XKR4: variants seen among roughly 807,000 people sequenced by gnomAD.
XKR4 encodes XK-related protein 4.
XKR4 carries 12 observed loss-of-function variants against 53.9 expected under a neutral mutation model. That is an observed-to-expected ratio of 0.22 (90% CI 0.14 to 0.36). The LOEUF (loss-of-function observed/expected upper bound fraction) is 0.36. Ranked by LOEUF, XKR4 falls within the 10% of genes least tolerant of loss-of-function variation. XKR4 has a pLI of 1.00. For missense variants in XKR4, 799 were observed against 859.5 expected (o/e 0.93, Z 0.88); for synonymous variants, 354 against 362.4 (o/e 0.98, Z 0.26).
chr8:55,502,620 T>C (rs1055734579), intron 2 of XKR4, among the ~76,000 whole-genome samples: 2 of 152,030 alleles, frequency 1.3e-5, no homozygotes, highest in East Asian at 3.9e-4. Flanking sequence ...TTTTTTTTAA[T>C]ATATCTTTAT....
intron 2 of XKR4, among the ~76,000 whole-genome samples, chr8:55,405,506 A>G (rs975148916): frequency 6.6e-6 from 1 of 152,188 alleles, no homozygotes; most frequent in Non-Finnish European, 1.5e-5. Context: ...CCAAGATTCT[A>G]TCAGTGCAGA....
chr8:55,251,113 A>G (rs1274192982), intron 1 of XKR4, among the ~76,000 whole-genome samples: 33 of 152,192 alleles, frequency 2.2e-4, no homozygotes, highest in African/African-American at 7.7e-4. Flanking sequence ...AGACGTAAGT[A>G]CAGTTACAGG....
At chr8:55,180,710 T>A (rs937081617) in intron 1 of XKR4, among the ~76,000 whole-genome samples, 2 of 152,120 alleles carry the variant, frequency 1.3e-5, no homozygotes, top group Non-Finnish European at 2.9e-5. Flanking sequence ...TTTTTGTATT[T>A]TTAGTAGAGA....
At chr8:55,234,106 T>C (rs947554791) in intron 1 of XKR4, among the ~76,000 whole-genome samples, 1 of 152,198 alleles carries the variant, frequency 6.6e-6, no homozygotes, top group African/African-American at 2.4e-5. Context: ...ATGTGATTCC[T>C]GTGGACCAGG....
chr8:55,513,365 A>C (rs928156903), intron 2 of XKR4, among the ~76,000 whole-genome samples: 2 of 152,186 alleles, frequency 1.3e-5, no homozygotes, highest in African/African-American at 2.4e-5. Context: ...CCTTAGGGAC[A>C]TCTAGGAAGG....
intron 2 of XKR4, among the ~76,000 whole-genome samples, chr8:55,431,668 T>C (rs1424673783): frequency 2.6e-5 from 4 of 152,236 alleles, no homozygotes; most frequent in Admixed American, 2.0e-4. Context: ...GGTATTTGAC[T>C]ACTATCACTA....
intron 2 of XKR4, among the ~76,000 whole-genome samples, chr8:55,368,729 C>A (rs998175615): frequency 6.6e-6 from 1 of 152,158 alleles, no homozygotes; most frequent in Non-Finnish European, 1.5e-5. Flanking sequence ...TAGGAAAAGG[C>A]CTATAACATG....
chr8:55,526,238 G>A lies in XKR4; in HGVS notation c.*2011G>A, dbSNP rs532258217. On this transcript the variant is annotated 3_prime_UTR_variant, in exon 3 of 3. Transcript: ENST00000327381. ...TAGTCCAGTTCTCTAGCCACCACCT[G>A]TAATGGGTGTGTCATCCAGAGACTG... 1 of 152,222 alleles carries A rather than the reference G, an allele frequency of 6.6e-6. No homozygotes were observed. Among genetic ancestry groups the A allele is most frequent in the Non-Finnish European group, 1.5e-5 (1 of 68,038 alleles). The allele number at this position is 152,222 out of a possible 1,614,324, so 9.4% of individuals were successfully genotyped here.
rs192927989 is a variant in XKR4 at position 55,461,161 on chromosome 8, C to T, written c.1007-62120C>T. Among the ~76,000 whole-genome samples the T allele has an allele frequency of 6.0e-3, 907 of 152,342 alleles. 9 individuals carry two copies. Among genetic ancestry groups the T allele is most frequent in the African/African-American group, 0.02 (839 of 41,578 alleles). On this transcript the variant is annotated intron_variant, in intron 2 of 2. Coordinates refer to ENST00000327381, the MANE Select transcript of XKR4 (RefSeq NM_052898.2). ...CAGCACGCAGCTTGAGATCTGAGAACGGGCAGCCTGCCTCCTCAAGTGGGT... is the reference window on the plus strand; with the variant it reads ...CAGCACGCAGCTTGAGATCTGAGAATGGGCAGCCTGCCTCCTCAAGTGGGT...
At chr8:55,161,093 G>A (rs1350014118) in intron 1 of XKR4, among the ~76,000 whole-genome samples, 1 of 152,124 alleles carries the variant, frequency 6.6e-6, no homozygotes, top group African/African-American at 2.4e-5. Context: ...CTCTTCCATT[G>A]AGTATTGCCA....
In XKR4 at chr8:55,536,674, T is replaced by A. The variant is rs140276835; in HGVS notation, c.*12447T>A. 6.6e-6 allele frequency: 1 copy of A among 152,350 alleles called. No homozygotes were observed. Among genetic ancestry groups the A allele is most frequent in the African/African-American group, 2.4e-5 (1 of 41,576 alleles). The allele number at this position is 152,350 out of a possible 1,614,324, so 9.4% of individuals were successfully genotyped here. Reference sequence around the variant, plus strand: ...GCTGGTCATATTCTGCTGCTAAAAGTCTCTTTGTTGTGCCAAGAGAAATAA... The same window carrying A: ...GCTGGTCATATTCTGCTGCTAAAAGACTCTTTGTTGTGCCAAGAGAAATAA... On this transcript the variant is annotated 3_prime_UTR_variant, in exon 3 of 3. Coordinates refer to ENST00000327381, the MANE Select transcript of XKR4 (RefSeq NM_052898.2).
At chr8:55,413,623 A>G (rs1217676689) in intron 2 of XKR4, among the ~76,000 whole-genome samples, 4 of 152,206 alleles carry the variant, frequency 2.6e-5, no homozygotes, top group African/African-American at 9.7e-5. Flanking sequence ...CCTTTAATAT[A>G]ACTAAACAAG....
At chr8:55,321,111 C>A (rs1450460229) in intron 1 of XKR4, among the ~76,000 whole-genome samples, 1 of 152,106 alleles carries the variant, frequency 6.6e-6, no homozygotes, top group African/African-American at 2.4e-5. Flanking sequence ...TAGGTCCAAA[C>A]ATTCTGCCTG....
rs1217059416 is a variant in XKR4, at chr8:55,534,923, T to C, written c.*10696T>C. 2.6e-5 allele frequency: 4 copies of C among 152,128 alleles called. No individual in the cohort carries two copies. The highest frequency in any genetic ancestry group is 4.8e-5 in the African/African-American group (2 of 41,418). The allele number at this position is 152,128 out of a possible 1,614,324, so 9.4% of individuals were successfully genotyped here. A position where few individuals can be genotyped will look rare whatever the true frequency, so the allele number is the denominator to read the frequency against. On this transcript the variant is annotated 3_prime_UTR_variant, in exon 3 of 3. Coordinates refer to ENST00000327381, the MANE Select transcript of XKR4 (RefSeq NM_052898.2). Reference sequence around the variant, plus strand: ...CTTTTGGTATAACAATTTTAGGAGTTCACCCTAGATGAAAGAGTGGAAGTC... The same window carrying C: ...CTTTTGGTATAACAATTTTAGGAGTCCACCCTAGATGAAAGAGTGGAAGTC...
intron 1 of XKR4, among the ~76,000 whole-genome samples, chr8:55,209,496 G>A (rs1316615383): frequency 6.6e-6 from 1 of 152,158 alleles, no homozygotes; most frequent in South Asian, 2.1e-4. Flanking sequence ...ATTAAGACAC[G>A]TTTTTTAAGG....
intron 1 of XKR4, among the ~76,000 whole-genome samples, chr8:55,279,364 A>T (rs919396719): frequency 6.6e-6 from 1 of 152,160 alleles, no homozygotes; most frequent in Non-Finnish European, 1.5e-5. Flanking sequence ...GTATCTGTAA[A>T]TTCCCAAATG....
intron 2 of XKR4, among the ~76,000 whole-genome samples, chr8:55,510,992 G>T (rs1421355667): frequency 6.6e-6 from 1 of 152,214 alleles, no homozygotes; most frequent in Non-Finnish European, 1.5e-5. Context: ...CATGTCCTCA[G>T]GGTATTGAGT....
Position 55,401,375 on chromosome 8 carries a change from T to G in XKR4, c.1006+43498T>G, listed in dbSNP as rs532538408. ...AGGAGAGGAAAGGAAAGTGAGTCTATGTGAATGACTCAGTTCCTGGAAGTT... is the reference window on the plus strand; with the variant it reads ...AGGAGAGGAAAGGAAAGTGAGTCTAGGTGAATGACTCAGTTCCTGGAAGTT... On this transcript the variant is annotated intron_variant, in intron 2 of 2. Coordinates refer to ENST00000327381, the MANE Select transcript of XKR4 (RefSeq NM_052898.2). Among the ~76,000 whole-genome samples, 8 of 152,342 alleles carry G rather than the reference T, an allele frequency of 5.3e-5. No individual in the cohort carries two copies. In the East Asian group the frequency reaches 1.4e-3, roughly 26 times the overall value.
At chr8:55,396,373 GT>G (rs1188316622) in intron 2 of XKR4, among the ~76,000 whole-genome samples, 1 of 79,968 alleles carries the variant, frequency 1.3e-5, no homozygotes, top group East Asian at 3.1e-4. Context: ...CAAGGGGAAG[GT>G]TTTTTTGTGT....
Sources: gnomAD v4.1 joint callset for allele counts (sites outside exome capture counted in the v4.1 genomes callset) on GRCh38, gnomAD v4.1.1 for gene constraint, MANE v1.5 for transcripts, NCBI Gene and HGNC (gene_info 2026-07-23, HGNC 2026-07-21) for gene names.